The following TLR3 variants were observed in gnomAD, a reference collection of about 807,000 sequenced individuals.
TLR3 encodes the protein toll like receptor 3, also known as toll-like receptor 3.
Under a neutral mutation model 66.4 loss-of-function variants are expected in TLR3, and 43 were observed. The observed-to-expected ratio is 0.65, with a 90% confidence interval of 0.51 to 0.83. The LOEUF is 0.83. Among genes scored for constraint, TLR3 ranks in the 40% least tolerant of loss-of-function variants. The probability of loss-of-function intolerance (pLI) is 0.00; values close to 1 mark genes in which losing one functional copy is unlikely to be tolerated. For synonymous variants in TLR3, 397 were observed against 397.2 expected (o/e 1.00, Z 0.01); for missense variants, 982 against 1,044.6 (o/e 0.94, Z 0.83).
chr4:186,075,883 C>T (rs185559824), intron 1 of TLR3, among the ~76,000 whole-genome samples: 42 of 152,176 alleles, frequency 2.8e-4, no homozygotes, highest in East Asian at 2.3e-3. Context: ...TGGCTGGGCA[C>T]GGTGGCTCAC....
Position 186,078,985 on chromosome 4 carries a change from A to G in TLR3, c.587A>G (p.Asn196Ser). Residue 196 changes from asparagine to serine, a missense_variant, in exon 3 of 5, where the codon AAT (asparagine) becomes AGT (serine). Around this residue, in one of 3 missense-constraint regions of TLR3, gnomAD observed 313 missense variants for 319.0 expected, o/e 0.98. Coordinates refer to ENST00000296795, the MANE Select transcript of TLR3 (RefSeq NM_003265.3). The part of the protein sequence containing the change: ...LKSEELDIFA[N>S]SSLKKLELSS... ...AGTGAAGAACTGGATATCTTTGCCA[A>G]TTCATCTTTAAAAAAATTAGAGTTG... 1 of 1,613,924 alleles carries G rather than the reference A, an allele frequency of 6.2e-7. No individual in the cohort carries two copies. Among genetic ancestry groups the G allele is most frequent in the Non-Finnish European group, 8.5e-7 (1 of 1,179,960 alleles).
Position 186,083,681 on chromosome 4 carries a change from T to A in TLR3, c.1995T>A (p.His665Gln), listed in dbSNP as rs991873679. 1.3e-6 allele frequency: 2 copies of A among 1,599,074 alleles called. No individual in the cohort carries two copies. Among genetic ancestry groups the A allele is most frequent in the South Asian group, 2.3e-5 (2 of 88,032 alleles). ...AWFVNWINETHTNIPELSSHY... is the reference protein window; with the variant it reads ...AWFVNWINETQTNIPELSSHY... The stretch of plus-strand genomic sequence containing the variant: ...TTGTTAATTGGATTAACGAGACCCA[T>A]ACCAACATCCCTGAGCTGTCAAGCC... Residue 665 changes from histidine to glutamine, a missense_variant, in exon 4 of 5, where the codon CAT becomes CAA. His to Gln is a conservative substitution (Grantham distance 24). Around this residue, in one of 3 missense-constraint regions of TLR3, gnomAD observed 666 missense variants for 709.0 expected, o/e 0.94. Coordinates refer to ENST00000296795, the MANE Select transcript of TLR3 (RefSeq NM_003265.3). The surrounding 1 kb of genome is among the most constrained non-coding windows in gnomAD (Gnocchi z 4.0).
rs2099304079 is a variant in TLR3, at chr4:186,084,652, G to T, written c.2494G>T (p.Val832Leu). 2 of 1,607,604 alleles carry T rather than the reference G, an allele frequency of 1.2e-6. No homozygotes were observed. Among genetic ancestry groups the T allele is most frequent in the Non-Finnish European group, 1.7e-6 (2 of 1,174,466 alleles). The stretch of plus-strand genomic sequence containing the variant: ...ATACATTTTTTTACTTAGATTCAAG[G>T]TACATCATGCAGTTCAACAAGCTAT... The part of the protein sequence containing the change: ...LKDPLCKRFK[V>L]HHAVQQAIEQ... The change falls in exon 5 of 5, where the codon GTA becomes TTA. Residue 832 changes from valine to leucine, a missense_variant. By Grantham distance (32) the Val-to-Leu change is conservative (BLOSUM62 1). Transcript: ENST00000296795.
Position 186,083,608 on chromosome 4 carries a change from A to G in TLR3, c.1922A>G (p.Asp641Gly). The G allele has an allele frequency of 2.5e-6, 4 of 1,610,326 alleles. No individual in the cohort carries two copies. The highest frequency in any genetic ancestry group is 3.4e-6 in the Non-Finnish European group (4 of 1,178,792). ...GCTTTCAGGAACCTGACTGAGTTAG[A>G]TATGCGCTTTAATCCCTTTGATTGC... Reference protein sequence around the residue: ...GPAFRNLTELDMRFNPFDCTC... With the variant: ...GPAFRNLTELGMRFNPFDCTC... The change falls in exon 4 of 5, where the codon GAT becomes GGT. Residue 641 changes from aspartate to glycine, a missense_variant. Transcript: ENST00000296795. This position sits in a 1 kb window ranked among gnomAD's most constrained non-coding sequence, Gnocchi z 4.0.
rs1248175611 is a variant in TLR3, at chr4:186,083,635, C to T, written c.1949C>T (p.Thr650Met). The T allele has an allele frequency of 5.6e-6, 9 of 1,599,866 alleles. No individual in the cohort carries two copies. The highest frequency in any genetic ancestry group is 2.2e-5 in the East Asian group (1 of 44,738). ...LDMRFNPFDC[T>M]CESIAWFVNW... ...ATGCGCTTTAATCCCTTTGATTGCA[C>T]GTGTGAAAGTATTGCCTGGTTTGTT... The change falls in exon 4 of 5, where the codon ACG (threonine) becomes ATG (methionine). Residue 650 changes from threonine (T) to methionine (M), a missense_variant. Around this residue, in one of 3 missense-constraint regions of TLR3, gnomAD observed 666 missense variants for 709.0 expected, o/e 0.94. Transcript: ENST00000296795. This position sits in a 1 kb window ranked among gnomAD's most constrained non-coding sequence, Gnocchi z 4.0.
chr4:186,081,241 C>T (rs904113792), intron 3 of TLR3, among the ~76,000 whole-genome samples: 5 of 149,786 alleles, frequency 3.3e-5, no homozygotes, highest in African/African-American at 1.2e-4. Context: ...TGCACTCCAC[C>T]CTGGGGGACA....
At chr4:186,072,461 C>T (rs983189498) in intron 1 of TLR3, among the ~76,000 whole-genome samples, 1 of 152,080 alleles carries the variant, frequency 6.6e-6, no homozygotes, top group African/African-American at 2.4e-5. Flanking sequence ...TACAGGCACC[C>T]ACCACCACAC....
intron 3 of TLR3, among the ~76,000 whole-genome samples, chr4:186,079,420 T>C (rs1281493440): frequency 6.6e-6 from 1 of 152,214 alleles, no homozygotes; most frequent in African/African-American, 2.4e-5. Context: ...GCTTGGTCTC[T>C]GGGCTTTGTC....
chr4:186,083,058 A>G lies in TLR3; in HGVS notation c.1372A>G (p.Ile458Val), dbSNP rs1489246143. 1.2e-6 allele frequency: 2 copies of G among 1,614,126 alleles called. No individual in the cohort carries two copies. The highest frequency in any genetic ancestry group is 1.3e-5 in the African/African-American group (1 of 75,036). Residue 458 changes from isoleucine (I) to valine (V), a missense_variant, in exon 4 of 5, where the codon ATT becomes GTT. Physicochemically the swap from Ile to Val is conservative, Grantham distance 29. Around this residue, in one of 3 missense-constraint regions of TLR3, gnomAD observed 666 missense variants for 709.0 expected, o/e 0.94. Transcript: ENST00000296795. This position sits in a 1 kb window ranked among gnomAD's most constrained non-coding sequence, Gnocchi z 4.0. ...CCAGGAATGGAGAGGTCTAGAAAAT[A>G]TTTTCGAAATCTATCTTTCCTACAA... The part of the protein sequence containing the change: ...TGQEWRGLEN[I>V]FEIYLSYNKY...
chr4:186,081,739 C>T (rs2099303504), intron 3 of TLR3: 1 of 154,056 alleles, frequency 6.5e-6, no homozygotes, highest in Non-Finnish European at 1.4e-5. Context: ...TCAGAGAAGC[C>T]TCCCTGAAAA....
chr4:186,072,917 T>C (rs75683316), intron 1 of TLR3, among the ~76,000 whole-genome samples: 2 of 152,374 alleles, frequency 1.3e-5, no homozygotes, highest in African/African-American at 4.8e-5. Flanking sequence ...TCTACTATTA[T>C]AGCTTCACAT....
rs750233576 is a variant in TLR3, at chr4:186,076,651, G to A, written c.32G>A (p.Trp11Ter). 4 of 1,613,778 alleles carry A rather than the reference G, an allele frequency of 2.5e-6. No individual in the cohort carries two copies. Among genetic ancestry groups the A allele is most frequent in the East Asian group, 2.2e-5 (1 of 44,874 alleles). ...CAGACTTTGCCTTGTATCTACTTTT[G>A]GGGGGGCCTTTTGCCCTTTGGGATG... MRQTLPCIYF[W>*]GGLLPFGMLC... Residue 11 changes from tryptophan (W) to a stop codon, truncating the protein, a stop_gained, in exon 2 of 5, where the codon TGG becomes TAG. Coordinates refer to ENST00000296795, the MANE Select transcript of TLR3 (RefSeq NM_003265.3). LOFTEE classifies it high-confidence loss of function.
chr4:186,070,744 C>T (rs2099301298), intron 1 of TLR3, among the ~76,000 whole-genome samples: 2 of 152,120 alleles, frequency 1.3e-5, no homozygotes, highest in Non-Finnish European at 2.9e-5. Flanking sequence ...TGCTCTGTTG[C>T]CCAGGCTGGA....
Position 186,083,364 on chromosome 4 carries a change from G to A in TLR3, c.1678G>A (p.Gly560Ser). The A allele has an allele frequency of 6.2e-7, 1 of 1,614,088 alleles. No individual in the cohort carries two copies. Among genetic ancestry groups the A allele is most frequent in the Non-Finnish European group, 8.5e-7 (1 of 1,180,012 alleles). The change falls in exon 4 of 5, where the codon GGT (glycine) becomes AGT (serine). Residue 560 changes from glycine to serine, a missense_variant. Gly to Ser is a moderately conservative substitution (Grantham distance 56). Transcript: ENST00000296795. This position sits in a 1 kb window ranked among gnomAD's most constrained non-coding sequence, Gnocchi z 4.0. Reference protein sequence around the residue: ...NPGGPIYFLKGLSHLHILNLE... With the variant: ...NPGGPIYFLKSLSHLHILNLE... ...TGGTGGTCCCATTTATTTCCTAAAG[G>A]GTCTGTCTCACCTCCACATCCTTAA...
chr4:186,079,262 C>A (rs5743315), intron 3 of TLR3, among the ~76,000 whole-genome samples: 5,712 of 152,170 alleles, frequency 0.038, 224 homozygotes, highest in Middle Eastern at 0.12. Context: ...ACCCCTGTGC[C>A]GTGACCTTGC....
intron 2 of TLR3, 149 bp from the exon 3 acceptor site, chr4:186,078,691 A>G (rs1438646332): frequency 4.5e-6 from 3 of 672,420 alleles, no homozygotes; most frequent in East Asian, 5.5e-5. Context: ...CAGATCAAAG[A>G]TTTTTTATTA....
Position 186,084,819 on chromosome 4 carries a change from T to C in TLR3, c.2661T>C (p.Gly887=). The C allele has an allele frequency of 6.2e-7, 1 of 1,614,058 alleles. No individual in the cohort carries two copies. The highest frequency in any genetic ancestry group is 8.5e-7 in the Non-Finnish European group (1 of 1,179,988). ...GGCCAGTTCAGAAAGAACGGATAGGTGCCTTTCGTCATAAATTGCAAGTAG... is the reference window on the plus strand; with the variant it reads ...GGCCAGTTCAGAAAGAACGGATAGGCGCCTTTCGTCATAAATTGCAAGTAG... ...LNWPVQKERI[G]AFRHKLQVAL... is the part of the protein sequence containing the mutation. The change falls in exon 5 of 5, where the codon GGT becomes GGC. Residue 887 remains glycine, a synonymous_variant. Transcript: ENST00000296795.
In TLR3 at chr4:186,083,144, G is replaced by A; in HGVS notation, c.1458G>A (p.Met486Ile). Residue 486 changes from methionine (M) to isoleucine (I), a missense_variant, in exon 4 of 5, where the codon ATG becomes ATA. By Grantham distance (10) the Met-to-Ile change is conservative. Around this residue, in one of 3 missense-constraint regions of TLR3, gnomAD observed 666 missense variants for 709.0 expected, o/e 0.94. Coordinates refer to ENST00000296795, the MANE Select transcript of TLR3 (RefSeq NM_003265.3). This position sits in a 1 kb window ranked among gnomAD's most constrained non-coding sequence, Gnocchi z 4.0. ...FALVPSLQRL[M>I]LRRVALKNVD... is the part of the protein sequence containing the mutation. The stretch of plus-strand genomic sequence containing the variant: ...TGGTCCCAAGCCTTCAACGACTGAT[G>A]CTCCGAAGGGTGGCCCTTAAAAATG... 1 of 1,614,162 alleles carries A rather than the reference G, an allele frequency of 6.2e-7. No individual in the cohort carries two copies. Among genetic ancestry groups the A allele is most frequent in the African/African-American group, 1.3e-5 (1 of 75,028 alleles).
At position 186,082,823 on chromosome 4, in the gene TLR3, A is replaced by C; in HGVS notation, c.1137A>C (p.Ile379=). 6.2e-7 allele frequency: 1 copy of C among 1,614,084 alleles called. No individual in the cohort carries two copies. Among genetic ancestry groups the C allele is most frequent in the Non-Finnish European group, 8.5e-7 (1 of 1,179,962 alleles). The part of the protein sequence containing the change: ...GIKSNMFTGL[I]NLKYLSLSNS... Reference sequence around the variant, plus strand: ...AAAGCAATATGTTCACAGGATTGATAAACCTGAAATACTTAAGTCTATCCA... The same window carrying C: ...AAAGCAATATGTTCACAGGATTGATCAACCTGAAATACTTAAGTCTATCCA... Residue 379 remains isoleucine (I), a synonymous_variant, in exon 4 of 5, where the codon ATA becomes ATC. Coordinates refer to ENST00000296795, the MANE Select transcript of TLR3 (RefSeq NM_003265.3).
Sources: allele counts gnomAD v4.1 joint callset (sites outside exome capture counted in the v4.1 genomes callset), GRCh38; gene constraint gnomAD v4.1.1; regional missense constraint gnomAD v4.1.1; non-coding constraint Gnocchi (gnomAD v3.1); transcripts MANE v1.5; gene names NCBI Gene and HGNC (gene_info 2026-07-23, HGNC 2026-07-21).